Variants in COL3A1 observed in about 807,000 individuals in gnomAD.
COL3A1 encodes collagen type III alpha 1 chain, also known as collagen alpha-1(III) chain.
Under a neutral mutation model 200.9 loss-of-function variants are expected in COL3A1, and 46 were observed. That is an observed-to-expected ratio of 0.23 (90% CI 0.18 to 0.29). COL3A1 has a LOEUF of 0.29. COL3A1 is among the 10% of genes least tolerant of loss of function. COL3A1 has a pLI of 1.00. For missense variants in COL3A1, 1,367 were observed against 1,917.6 expected (o/e 0.71, Z 5.36); for synonymous variants, 650 against 628.0 (o/e 1.03, Z -0.52).
intron 1 of COL3A1, among the ~76,000 whole-genome samples, chr2:188,982,187 T>C (rs879899774): frequency 5.3e-5 from 8 of 151,602 alleles, no homozygotes; most frequent in Admixed American, 3.3e-4. Context: ...ACTAAAATAA[T>C]CTTTATATTG....
intron 1 of COL3A1, among the ~76,000 whole-genome samples, chr2:188,981,091 A>AT (rs1257789723): frequency 6.6e-6 from 1 of 151,446 alleles, no homozygotes; most frequent in Non-Finnish European, 1.5e-5. Context: ...CATAACATTC[A>AT]TTTTTTGTCC....
At position 189,010,964 on chromosome 2, in the gene COL3A1, T is replaced by G. The variant is rs1688711610; in HGVS notation, c.4254+74T>G. ...GTTTAATCATGCAAATTATTTTGAA[T>G]AGAATAAATAAAATTAATAGGATGA... On this transcript the variant is annotated intron_variant, in intron 50 of 50. Coordinates refer to ENST00000304636, the MANE Select transcript of COL3A1 (RefSeq NM_000090.4). 2.2e-5 allele frequency: 34 copies of G among 1,559,562 alleles called. 1 individual carries two copies. The South Asian group carries it at 3.8e-4, about 17-fold the overall frequency.
chr2:188,997,495 C>A, intron 26 of COL3A1, 106 bp downstream of exon 26: 3 of 1,292,582 alleles, frequency 2.3e-6, no homozygotes, highest in Non-Finnish European at 3.3e-6. Flanking sequence ...TACAGTTTAC[C>A]AAAGCAATGA....
At position 188,996,133 on chromosome 2, in the gene COL3A1, C is replaced by T. The variant is rs141091206; in HGVS notation, c.1617C>T (p.Pro539=). 117 of 1,613,352 alleles carry T rather than the reference C, an allele frequency of 7.3e-5. No homozygotes were observed. The highest frequency in any genetic ancestry group is 5.9e-4 in the African/African-American group (44 of 74,834). Residue 539 remains proline (P), a synonymous_variant, in exon 23 of 51, where the codon CCC becomes CCT. Coordinates refer to ENST00000304636, the MANE Select transcript of COL3A1 (RefSeq NM_000090.4). The stretch of plus-strand genomic sequence containing the variant: ...TGACTTCTTTACTTCAGGGCATGCC[C>T]GGAAGTCCAGGAGGACCAGGAAGTG... The part of the protein sequence containing the change: ...VPGGPGMRGM[P]GSPGGPGSDG...
chr2:188,993,019 A>AT (rs1389722147), intron 15 of COL3A1, 79 bp downstream of exon 15: 10 of 1,324,234 alleles, frequency 7.6e-6, no homozygotes, highest in Non-Finnish European at 1.1e-5. Flanking sequence ...CTTGCAACTG[A>AT]TTTTTTTAAT....
chr2:189,005,556 C>A, intron 41 of COL3A1, 99 bp downstream of exon 41: 1 of 933,482 alleles, frequency 1.1e-6, no homozygotes, highest in Non-Finnish European at 1.7e-6. Context: ...TAAATATGGC[C>A]ACATAGCAAA....
At chr2:188,992,469 A>C (rs1688209454) in intron 14 of COL3A1, among the ~76,000 whole-genome samples, 1 of 152,134 alleles carries the variant, frequency 6.6e-6, no homozygotes, top group Admixed American at 6.6e-5. Flanking sequence ...CTGAGCCCAT[A>C]AACAAAATCT....
intron 32 of COL3A1, among the ~76,000 whole-genome samples, chr2:189,000,606 C>T (rs1688435086): frequency 6.6e-6 from 1 of 152,148 alleles, no homozygotes; most frequent in African/African-American, 2.4e-5. Flanking sequence ...GCTACATATA[C>T]ACACACATAA....
intron 32 of COL3A1, among the ~76,000 whole-genome samples, 192 bp from the exon 33 acceptor site, chr2:189,001,203 CAA>C (rs1688452727): frequency 6.6e-6 from 1 of 152,026 alleles, no homozygotes; most frequent in African/African-American, 2.4e-5. Context: ...GAGTTATCCC[CAA>C]AGAGGCTTGT....
In COL3A1 at chr2:189,004,197, AT is replaced by A. The variant is rs1361055662; in HGVS notation, c.2823+55del. 21 of 1,608,750 alleles carry A rather than the reference AT, an allele frequency of 1.3e-5. No homozygotes were observed. In the East Asian group the frequency reaches 4.5e-4, roughly 34 times the overall value. ...TCTACTATTTTGATTTTTATCACAA[AT>A]CGATTAGAGAAAAACACTGTCACAT... On this transcript the variant is annotated intron_variant, in intron 39 of 50. Coordinates refer to ENST00000304636, the MANE Select transcript of COL3A1 (RefSeq NM_000090.4).
At chr2:188,992,533 C>T (rs1017876573) in intron 14 of COL3A1, among the ~76,000 whole-genome samples, 1 of 151,942 alleles carries the variant, frequency 6.6e-6, no homozygotes, top group African/African-American at 2.4e-5. Flanking sequence ...ATGGTGCTCC[C>T]AATGTTAGTT....
At position 188,997,744 on chromosome 2, in the gene COL3A1, A is replaced by T; in HGVS notation, c.1914A>T (p.Gln638His). The T allele has an allele frequency of 1.2e-6, 2 of 1,614,016 alleles. No homozygotes were observed. The highest frequency in any genetic ancestry group is 1.7e-6 in the Non-Finnish European group (2 of 1,179,872). The change falls in exon 27 of 51, where the codon CAA (glutamine) becomes CAT (histidine). Residue 638 changes from glutamine (Q) to histidine (H), a missense_variant. Physicochemically the swap from Gln to His is conservative, Grantham distance 24. This residue lies in a region of COL3A1 where 846 missense variants were observed against 1,147.9 expected (regional missense o/e 0.74). Coordinates refer to ENST00000304636, the MANE Select transcript of COL3A1 (RefSeq NM_000090.4). ...DKGDTGPPGP[Q>H]GLQGLPGTGG... The stretch of plus-strand genomic sequence containing the variant: ...GAGACACAGGACCCCCTGGTCCACA[A>T]GGATTACAAGTAAGAACTTGTTATT...
intron 48 of COL3A1, 51 bp from the exon 49 acceptor site, chr2:189,010,127 T>C (rs1156306165): frequency 6.3e-7 from 1 of 1,576,468 alleles, no homozygotes; most frequent in Non-Finnish European, 8.7e-7. Context: ...ACAAAATCAC[T>C]TTATTACTGG....
intron 37 of COL3A1, 23 bp downstream of exon 37, chr2:189,003,487 A>G (rs781559035): frequency 1.9e-6 from 3 of 1,607,148 alleles, no homozygotes; most frequent in Non-Finnish European, 2.6e-6. Context: ...CCTCTTAACT[A>G]TTATTGAAAA....
rs1060503873 is a variant in COL3A1, at chr2:189,006,957, T to C, written c.3222T>C (p.Gly1074=). 5 of 1,613,488 alleles carry C rather than the reference T, an allele frequency of 3.1e-6. No individual in the cohort carries two copies. The highest frequency in any genetic ancestry group is 4.2e-6 in the Non-Finnish European group (5 of 1,179,860). The change falls in exon 44 of 51, where the codon GGT becomes GGC. Residue 1074 remains glycine, a synonymous_variant. Coordinates refer to ENST00000304636, the MANE Select transcript of COL3A1 (RefSeq NM_000090.4). ...CTTAGGGCCCTGCTGGCCCTGCTGG[T>C]GCTCCCGGTCCTGCTGGTTCCCGAG... ...RGESGPAGPA[G]APGPAGSRGA... is the part of the protein sequence containing the mutation.
intron 36 of COL3A1, 150 bp from the exon 37 acceptor site, chr2:189,003,261 A>G: frequency 1.3e-6 from 1 of 766,870 alleles, no homozygotes; most frequent in Non-Finnish European, 2.3e-6. Context: ...TAATCTTTAT[A>G]TGAATATAGT....
chr2:188,997,217 A>C lies in COL3A1; in HGVS notation c.1814A>C (p.Gln605Pro). 1 of 1,614,046 alleles carries C rather than the reference A, an allele frequency of 6.2e-7. No homozygotes were observed. The change falls in exon 25 of 51, where the codon CAG (glutamine) becomes CCG (proline). Residue 605 changes from glutamine to proline, a missense_variant and splice_region_variant. By Grantham distance (76) the Gln-to-Pro change is moderately conservative. Around this residue, in one of 5 missense-constraint regions of COL3A1, gnomAD observed 846 missense variants for 1,147.9 expected, o/e 0.74. Transcript: ENST00000304636. Reference protein sequence around the residue: ...ERGGPGGPGPQGPPGKNGETG... With the variant: ...ERGGPGGPGPPGPPGKNGETG... ...GGTGGCCCTGGAGGACCTGGCCCTC[A>C]GGTACGTAGCTTTCCTCAATTTATT...
At position 188,992,940 on chromosome 2, in the gene COL3A1, G is replaced by C; in HGVS notation, c.1050G>C (p.Lys350Asn). ...TAGFPGSPGA[K>N]GEVGPAGSPG... ...GATTCCCTGGATCCCCTGGTGCTAA[G>C]GTAAACATGTGTTTCTATAGAAGGG... The change falls in exon 15 of 51, where the codon AAG (lysine) becomes AAC (asparagine). Residue 350 changes from lysine (K) to asparagine (N), a missense_variant and splice_region_variant. By Grantham distance (94) the Lys-to-Asn change is moderately conservative (BLOSUM62 0). This residue lies in a region of COL3A1 where 462 missense variants were observed against 681.4 expected (regional missense o/e 0.68). Transcript: ENST00000304636. 6.2e-7 allele frequency: 1 copy of C among 1,613,776 alleles called. No individual in the cohort carries two copies. Among genetic ancestry groups the C allele is most frequent in the Non-Finnish European group, 8.5e-7 (1 of 1,179,776 alleles).
rs1688385247 is a variant in COL3A1 at position 188,998,695 on chromosome 2, G to T, written c.1999G>T (p.Ala667Ser). The T allele has an allele frequency of 1.2e-6, 2 of 1,613,932 alleles. No individual in the cohort carries two copies. The highest frequency in any genetic ancestry group is 1.7e-6 in the Non-Finnish European group (2 of 1,179,896). The part of the protein sequence containing the change: ...GEPGPKGDAG[A>S]PGAPGGKGDA... ...CCAGGGTCCAAAGGGTGATGCCGGT[G>T]CACCTGGAGCTCCAGGAGGCAAGGT... is the stretch of plus-strand genomic sequence containing the variant. Residue 667 changes from alanine (A) to serine (S), a missense_variant, in exon 29 of 51, where the codon GCA (alanine) becomes TCA (serine). By Grantham distance (99) the Ala-to-Ser change is moderately conservative. Transcript: ENST00000304636.
Sources: gnomAD v4.1 joint callset for allele counts (sites outside exome capture counted in the v4.1 genomes callset) on GRCh38, gnomAD v4.1.1 for gene constraint, gnomAD v4.1.1 regional missense constraint, MANE v1.5 for transcripts, NCBI Gene and HGNC (gene_info 2026-07-23, HGNC 2026-07-21) for gene names.